C1GALT1: variants seen among roughly 807,000 people sequenced by gnomAD.
The protein encoded by C1GALT1 is core 1 synthase, glycoprotein-N-acetylgalactosamine 3-beta-galactosyltransferase 1, also known as glycoprotein-N-acetylgalactosamine 3-beta-galactosyltransferase 1.
Under a neutral mutation model 31.0 loss-of-function variants are expected in C1GALT1, and 11 were observed. The observed-to-expected ratio is 0.36, with a 90% confidence interval of 0.22 to 0.59. C1GALT1 has a LOEUF of 0.59. C1GALT1 is among the 20% of genes least tolerant of loss of function. The pLI, the probability that C1GALT1 is intolerant of heterozygous loss-of-function variation, is 0.79. For synonymous variants in C1GALT1, 175 were observed against 143.6 expected (o/e 1.22, Z -1.56); for missense variants, 424 against 425.2 (o/e 1.00, Z 0.03).
intron 2 of C1GALT1, among the ~76,000 whole-genome samples, chr7:7,235,471 T>A (rs1183715978): frequency 6.6e-6 from 1 of 152,186 alleles, no homozygotes; most frequent in Non-Finnish European, 1.5e-5. Flanking sequence ...TAACAGTAAT[T>A]CAGCTCTGAG....
intron 1 of C1GALT1, among the ~76,000 whole-genome samples, chr7:7,216,440 T>A (rs896603106): frequency 6.6e-6 from 1 of 152,100 alleles, no homozygotes; most frequent in Non-Finnish European, 1.5e-5. Flanking sequence ...CTTATCCGCC[T>A]TGTGTGATTT....
intron 1 of C1GALT1, among the ~76,000 whole-genome samples, chr7:7,198,941 C>G (rs1023432235): frequency 1.3e-5 from 2 of 152,068 alleles, no homozygotes; most frequent in African/African-American, 4.8e-5. Context: ...CTCTATTAGT[C>G]TTGCTAGCGG....
At chr7:7,180,049 A>G (rs1426799636), upstream of C1GALT1, among the ~76,000 whole-genome samples, 1 of 152,200 alleles carries the variant, frequency 6.6e-6, no homozygotes, top group Non-Finnish European at 1.5e-5. Flanking sequence ...CCCTGAAGAA[A>G]TCAGAGTTCT....
intron 2 of C1GALT1, among the ~76,000 whole-genome samples, chr7:7,172,475 T>C (rs1780463599): frequency 6.6e-6 from 1 of 152,186 alleles, no homozygotes; most frequent in Admixed American, 6.5e-5. Flanking sequence ...GTTTCTTGGA[T>C]TTGTAGGTTA....
intron 1 of C1GALT1, among the ~76,000 whole-genome samples, chr7:7,201,454 G>GC (rs1486115202): frequency 6.6e-6 from 1 of 152,166 alleles, no homozygotes; most frequent in Non-Finnish European, 1.5e-5. Context: ...GGAGGTCAGG[G>GC]CCCCACTTGA....
At chr7:7,239,074 G>A (rs1193325462) in intron 3 of C1GALT1, 152 bp downstream of exon 3, 1 of 643,850 alleles carries the variant, frequency 1.6e-6, no homozygotes, top group Non-Finnish European at 2.6e-6. Context: ...CAAAATAGAT[G>A]AGAACAGGGA....
At chr7:7,167,991 A>G (rs529354206) in intron 2 of C1GALT1, among the ~76,000 whole-genome samples, 8 of 152,182 alleles carry the variant, frequency 5.3e-5, no homozygotes, top group Non-Finnish European at 1.2e-4. Context: ...TCTTTCTTAG[A>G]GAAATTCTGA....
intron 2 of C1GALT1, among the ~76,000 whole-genome samples, chr7:7,171,029 A>G (rs1780447768): frequency 6.6e-6 from 1 of 152,340 alleles, no homozygotes; most frequent in Non-Finnish European, 1.5e-5. Context: ...GTGGCTTAAC[A>G]TATCATCTAT....
chr7:7,200,661 A>C (rs917357783), intron 1 of C1GALT1, among the ~76,000 whole-genome samples: 1 of 152,018 alleles, frequency 6.6e-6, no homozygotes, highest in African/African-American at 2.4e-5. Flanking sequence ...GTCTTTTCAC[A>C]TGGTCCCATA....
In C1GALT1 at chr7:7,244,015, T is replaced by G. The variant is rs145621512; in HGVS notation, c.*288T>G. On this transcript the variant is annotated 3_prime_UTR_variant, in exon 4 of 4. Coordinates refer to ENST00000436587, the MANE Select transcript of C1GALT1 (RefSeq NM_020156.5). ...CTAGAAAAGAGATTTTGTTGCCTGTTTTCTGACCATCTGTGTTATTGTCAC... is the reference window on the plus strand; with the variant it reads ...CTAGAAAAGAGATTTTGTTGCCTGTGTTCTGACCATCTGTGTTATTGTCAC... The G allele has an allele frequency of 2.1e-4, 43 of 207,128 alleles. No homozygotes were observed. Among genetic ancestry groups the G allele is most frequent in the African/African-American group, 7.8e-4 (34 of 43,554 alleles). The allele number at this position is 207,128 out of a possible 1,614,324, so 12.8% of individuals were successfully genotyped here.
At chr7:7,158,706 T>C (rs1780301001) in intron 2 of C1GALT1, among the ~76,000 whole-genome samples, 1 of 151,840 alleles carries the variant, frequency 6.6e-6, no homozygotes, top group Non-Finnish European at 1.5e-5. Context: ...TTATAAAAGC[T>C]GTATCATGTA....
At chr7:7,190,286 T>A (rs1255934966) in intron 1 of C1GALT1, among the ~76,000 whole-genome samples, 1 of 152,156 alleles carries the variant, frequency 6.6e-6, no homozygotes, top group Non-Finnish European at 1.5e-5. Context: ...GCTGAGAAGC[T>A]GACTCAGGAT....
chr7:7,235,638 T>G (rs985759692), intron 2 of C1GALT1, among the ~76,000 whole-genome samples: 1 of 152,188 alleles, frequency 6.6e-6, no homozygotes, highest in Non-Finnish European at 1.5e-5. Flanking sequence ...TACATACTTG[T>G]CCAGCTCAGT....
At chr7:7,203,810 G>A (rs1263816615) in intron 1 of C1GALT1, among the ~76,000 whole-genome samples, 1 of 151,910 alleles carries the variant, frequency 6.6e-6, no homozygotes, top group Non-Finnish European at 1.5e-5. Context: ...ACACTTCTTT[G>A]TGTTGGGAAC....
chr7:7,204,097 G>GTTTTTTTTTTTTTTTTTTT (rs74853892), intron 1 of C1GALT1, among the ~76,000 whole-genome samples: 1 of 129,654 alleles, frequency 7.7e-6, no homozygotes, highest in Admixed American at 7.7e-5. Flanking sequence ...CTCCTCTTCT[G>GTTTTTTTTTTTTTTTTTTT]TTTTTTTTTT....
intron 2 of C1GALT1, among the ~76,000 whole-genome samples, chr7:7,163,420 C>T (rs1359678200): frequency 1.3e-5 from 2 of 152,120 alleles, no homozygotes; most frequent in Non-Finnish European, 2.9e-5. Context: ...CAGGGATGCC[C>T]TCTCTCACCA....
chr7:7,165,184 G>C (rs893966274), intron 2 of C1GALT1, among the ~76,000 whole-genome samples: 2 of 152,156 alleles, frequency 1.3e-5, no homozygotes, highest in Non-Finnish European at 2.9e-5. Context: ...AAAGACAGAA[G>C]GCAGGTTAGG....
At chr7:7,199,926 A>G (rs4473928) in intron 1 of C1GALT1, among the ~76,000 whole-genome samples, 29,017 of 151,854 alleles carry the variant, frequency 0.19, 3,250 homozygotes, top group East Asian at 0.36. Context: ...TTTTGAGCCT[A>G]TGTGTGTCTC....
intron 2 of C1GALT1, among the ~76,000 whole-genome samples, chr7:7,237,146 TTTTA>T (rs1171078907): frequency 6.6e-6 from 1 of 151,524 alleles, no homozygotes; most frequent in Non-Finnish European, 1.5e-5. Context: ...TATATTTTAG[TTTTA>T]TTTTTCTTAT....
Sources: gnomAD v4.1 joint callset for allele counts (sites outside exome capture counted in the v4.1 genomes callset) on GRCh38, gnomAD v4.1.1 for gene constraint, MANE v1.5 for transcripts, NCBI Gene and HGNC (gene_info 2026-07-23, HGNC 2026-07-21) for gene names.